EVA1C: variants seen among roughly 807,000 people sequenced by gnomAD.
The protein encoded by EVA1C is protein eva-1 homolog C.
A neutral mutation model predicts 45.4 loss-of-function variants in EVA1C; 25 were observed. That is an observed-to-expected ratio of 0.55 (90% CI 0.40 to 0.77). EVA1C has a LOEUF of 0.77. Ranked by LOEUF, EVA1C falls within the 30% of genes least tolerant of loss-of-function variation. EVA1C has a pLI of 0.00. For synonymous variants in EVA1C, 190 were observed against 221.2 expected, an observed-to-expected ratio of 0.86 and a Z score of 1.25; for missense variants, 479 against 554.8, an observed-to-expected ratio of 0.86 and a Z score of 1.37.
chr21:32,441,298 G>C (rs904587643), intron 1 of EVA1C, among the ~76,000 whole-genome samples: 1 of 152,090 alleles, frequency 6.6e-6, no homozygotes, highest in African/African-American at 2.4e-5. Context: ...CTGTCTTGCA[G>C]AGCAACCCGG....
At chr21:32,486,985 C>T (rs2036991585) in intron 4 of EVA1C, among the ~76,000 whole-genome samples, 1 of 152,132 alleles carries the variant, frequency 6.6e-6, no homozygotes, top group Admixed American at 6.5e-5. Context: ...CTTCATTTGG[C>T]TCCTGGCCAG....
At position 32,434,786 on chromosome 21, in the gene EVA1C, G is replaced by A. The variant is rs542666918; in HGVS notation, c.161-18526G>A. 2.0e-5 allele frequency among the ~76,000 whole-genome samples: 3 copies of A among 152,388 alleles called. No individual in the cohort carries two copies. In the South Asian group the frequency reaches 6.2e-4, roughly 32 times the overall value. ...AGATCCTTCCCTAGCATCCTCAGAT[G>A]GAGCGTGGCCCTGACAATGCCTTCA... On this transcript the variant is annotated intron_variant, in intron 1 of 7. Coordinates refer to ENST00000300255, the MANE Select transcript of EVA1C (RefSeq NM_058187.5).
At chr21:32,421,800 T>C (rs1011868387) in intron 1 of EVA1C, among the ~76,000 whole-genome samples, 1 of 152,144 alleles carries the variant, frequency 6.6e-6, no homozygotes, top group Non-Finnish European at 1.5e-5. Flanking sequence ...TCCCAGCACT[T>C]TGGGAGGCCG....
At chr21:32,509,289 C>T (rs1306593651) in intron 7 of EVA1C, among the ~76,000 whole-genome samples, 1 of 152,232 alleles carries the variant, frequency 6.6e-6, no homozygotes, top group Non-Finnish European at 1.5e-5. Flanking sequence ...ACTTGCCAAG[C>T]ATTGCCCATA....
At chr21:32,442,482 C>G (rs76111755) in intron 1 of EVA1C, among the ~76,000 whole-genome samples, 1 of 151,868 alleles carries the variant, frequency 6.6e-6, no homozygotes, top group Non-Finnish European at 1.5e-5. Flanking sequence ...TGGCTCCCCA[C>G]CCCCCAACCC....
chr21:32,460,274 C>T (rs1353052228), intron 3 of EVA1C, among the ~76,000 whole-genome samples: 1 of 152,158 alleles, frequency 6.6e-6, no homozygotes, highest in East Asian at 1.9e-4. Context: ...GGTTCCTTCT[C>T]CTTGTGTAAT....
In EVA1C at chr21:32,452,190, T is replaced by C. The variant is rs943363653; in HGVS notation, c.161-1122T>C. ...GGGACACTCACCCCGATTTTTTTCC[T>C]GGTTTATAAAGGTGCTTCAGGACTC... On this transcript the variant is annotated intron_variant, in intron 1 of 7. Transcript: ENST00000300255. This position sits in a 1 kb window ranked among gnomAD's most constrained non-coding sequence, Gnocchi z 4.0. 3 of 152,296 alleles carry C rather than the reference T, an allele frequency of 2.0e-5. No homozygotes were observed. The highest frequency in any genetic ancestry group is 7.2e-5 in the African/African-American group (3 of 41,466). The allele number at this position is 152,296 out of a possible 1,614,324, so 9.4% of individuals were successfully genotyped here.
At chr21:32,414,086 T>C (rs2146085584) in intron 1 of EVA1C, among the ~76,000 whole-genome samples, 1 of 152,352 alleles carries the variant, frequency 6.6e-6, no homozygotes, top group African/African-American at 2.4e-5. Context: ...GGTTCTAGTT[T>C]ACTTACAGAG....
At chr21:32,435,921 A>T (rs2034929396) in intron 1 of EVA1C, among the ~76,000 whole-genome samples, 1 of 152,290 alleles carries the variant, frequency 6.6e-6, no homozygotes. Context: ...GCAATGCCAG[A>T]TTTAAATAGG....
intron 1 of EVA1C, among the ~76,000 whole-genome samples, chr21:32,421,479 G>A (rs2034270284): frequency 6.6e-6 from 1 of 152,222 alleles, no homozygotes; most frequent in African/African-American, 2.4e-5. Context: ...TGTCTCTTGA[G>A]ATGGTGTAAT....
chr21:32,412,848 C>A lies in EVA1C; in HGVS notation c.-6C>A, dbSNP rs1346311142. The A allele has an allele frequency of 1.4e-6, 2 of 1,468,448 alleles. No individual in the cohort carries two copies. The highest frequency in any genetic ancestry group is 1.3e-5 in the South Asian group (1 of 75,640). The allele number at this position is 1,468,448 out of a possible 1,614,324, so 91.0% of individuals were successfully genotyped here. A position where few individuals can be genotyped will look rare whatever the true frequency, so the allele number is the denominator to read the frequency against. ...CCTGCGCCTCCGCCCCGCCGCGCAG[C>A]GCACGATGCTTCTGCCGGGACGCGC... On this transcript the variant is annotated 5_prime_UTR_variant, in exon 1 of 8. Transcript: ENST00000300255.
chr21:32,478,088 G>A (rs7277124), intron 4 of EVA1C, among the ~76,000 whole-genome samples: 148,120 of 148,120 alleles, frequency 1, 74,060 homozygotes, highest in Non-Finnish European at 1. Context: ...GCCTCACTGG[G>A]GACCCTTTTG....
At chr21:32,462,664 G>A (rs2036041662) in intron 3 of EVA1C, among the ~76,000 whole-genome samples, 2 of 152,198 alleles carry the variant, frequency 1.3e-5, no homozygotes, top group African/African-American at 2.4e-5. Flanking sequence ...AAGGTTGTGG[G>A]TTTACTGGAA....
At chr21:32,466,824 C>CT (rs34603277) in intron 3 of EVA1C, among the ~76,000 whole-genome samples, 350 of 145,700 alleles carry the variant, frequency 2.4e-3, no homozygotes, top group Middle Eastern at 3.6e-3. Context: ...ATCTTTCTTG[C>CT]TTTTTTTTTT....
chr21:32,462,282 C>T (rs1468002903), intron 3 of EVA1C, among the ~76,000 whole-genome samples: 4 of 151,630 alleles, frequency 2.6e-5, no homozygotes, highest in African/African-American at 9.7e-5. Context: ...CAGTCCTAGC[C>T]ACTTGGGAGG....
At chr21:32,427,102 T>C (rs2034518511) in intron 1 of EVA1C, among the ~76,000 whole-genome samples, 2 of 152,202 alleles carry the variant, frequency 1.3e-5, no homozygotes, top group South Asian at 4.1e-4. Flanking sequence ...CTGCTCACTT[T>C]GGTGCCATAG....
chr21:32,449,364 C>A (rs2035491787), intron 1 of EVA1C, among the ~76,000 whole-genome samples: 1 of 152,226 alleles, frequency 6.6e-6, no homozygotes, highest in African/African-American at 2.4e-5. Context: ...CTGTGTTCCA[C>A]CAATTCATTC....
chr21:32,471,460 G>C (rs1241925571), intron 4 of EVA1C, among the ~76,000 whole-genome samples: 6 of 151,612 alleles, frequency 4.0e-5, no homozygotes, highest in Non-Finnish European at 8.8e-5. Context: ...CAAGTAGCTG[G>C]GATTACATGT....
chr21:32,469,798 C>T (rs543567349), intron 4 of EVA1C, among the ~76,000 whole-genome samples: 172 of 152,284 alleles, frequency 1.1e-3, no homozygotes, highest in African/African-American at 4.0e-3. Flanking sequence ...CCTCGGTCTT[C>T]GCTTCTAAGG....
Sources: gnomAD v4.1 joint callset for allele counts (sites outside exome capture counted in the v4.1 genomes callset) on GRCh38, gnomAD v4.1.1 for gene constraint, Gnocchi (gnomAD v3.1) non-coding constraint, MANE v1.5 for transcripts, NCBI Gene and HGNC (gene_info 2026-07-23, HGNC 2026-07-21) for gene names.